ASB18: variants seen among roughly 807,000 people sequenced by gnomAD.
ASB18 encodes ankyrin repeat and SOCS box protein 18.
ASB18 carries 33 observed loss-of-function variants against 33.4 expected under a neutral mutation model. That is an observed-to-expected ratio of 0.99 (90% CI 0.75 to 1.32). The LOEUF (loss-of-function observed/expected upper bound fraction) is 1.32, where lower values mean the gene tolerates loss of function less well. ASB18 is among the 40% of genes most tolerant of loss of function. The pLI is 0.00. For missense variants in ASB18, 694 were observed against 655.5 expected, an observed-to-expected ratio of 1.06 and a Z score of -0.64; for synonymous variants, 295 against 307.6, an observed-to-expected ratio of 0.96 and a Z score of 0.43.
In ASB18 at chr2:236,222,694, G is replaced by A. The variant is rs1358794680; in HGVS notation, c.597-7828C>T. Among the ~76,000 whole-genome samples, 2 of 152,148 alleles carry A rather than the reference G, an allele frequency of 1.3e-5. No individual in the cohort carries two copies. Among genetic ancestry groups the A allele is most frequent in the South Asian group, 2.1e-4 (1 of 4,822 alleles). ...ACCATCCCCTTGGTGCTTTCCTCAC[G>A]ATAGCGAGTTCATGGGTGATCTGGC... On this transcript the variant is annotated intron_variant, in intron 3 of 5. Transcript: ENST00000409749. This position sits in a 1 kb window ranked among gnomAD's most constrained non-coding sequence, Gnocchi z 5.5.
rs1177765756 is a variant in ASB18 at position 236,200,413 on chromosome 2, A to G, written c.1102-4028T>C. Reference sequence around the variant, plus strand: ...AGAAGTGTTTATTGATACAGGAACTATTTAACCAGATGTGGGTACAAGGAA... The same window carrying G: ...AGAAGTGTTTATTGATACAGGAACTGTTTAACCAGATGTGGGTACAAGGAA... On this transcript the variant is annotated intron_variant, in intron 4 of 5. Transcript: ENST00000409749. This position sits in a 1 kb window ranked among gnomAD's most constrained non-coding sequence, Gnocchi z 4.2. Among the ~76,000 whole-genome samples the G allele has an allele frequency of 1.3e-5, 2 of 152,224 alleles. No homozygotes were observed. The highest frequency in any genetic ancestry group is 4.8e-5 in the African/African-American group (2 of 41,472).
At chr2:236,258,803 A>G (rs1200774276) in intron 1 of ASB18, among the ~76,000 whole-genome samples, 2 of 152,196 alleles carry the variant, frequency 1.3e-5, no homozygotes, top group Non-Finnish European at 2.9e-5. Flanking sequence ...TAAAAACTCA[A>G]TTAGTATTTC....
chr2:236,195,105 C>T lies in ASB18; in HGVS notation c.1216-48G>A, dbSNP rs2060365334. ...TAGAAATCTGGGCACGTGGAACCAA[C>T]ATACGTTTTCTTCTTAGCCAGACCA... On this transcript the variant is annotated intron_variant, in intron 5 of 5. Transcript: ENST00000409749. This position sits in a 1 kb window ranked among gnomAD's most constrained non-coding sequence, Gnocchi z 5.5. 1.9e-6 allele frequency: 3 copies of T among 1,545,384 alleles called. No homozygotes were observed. Among genetic ancestry groups the T allele is most frequent in the Non-Finnish European group, 2.6e-6 (3 of 1,134,830 alleles).
rs1189102826 is a variant in ASB18 at position 236,221,884 on chromosome 2, G to A, written c.597-7018C>T. On this transcript the variant is annotated intron_variant, in intron 3 of 5. Transcript: ENST00000409749. The surrounding 1 kb of genome is among the most constrained non-coding windows in gnomAD (Gnocchi z 5.6). ...GTTACTGCTGCTTTTCCTCCTCAGA[G>A]ATGACACGGAGGCAGATGGGCTAGA... Among the ~76,000 whole-genome samples the A allele has an allele frequency of 6.6e-6, 1 of 152,182 alleles. No homozygotes were observed. The highest frequency in any genetic ancestry group is 2.4e-5 in the African/African-American group (1 of 41,444).
rs1286832472 is a variant in ASB18, at chr2:236,215,213, C to T, written c.597-347G>A. On this transcript the variant is annotated intron_variant, in intron 3 of 5. Coordinates refer to ENST00000409749, the MANE Select transcript of ASB18 (RefSeq NM_212556.4). This position sits in a 1 kb window ranked among gnomAD's most constrained non-coding sequence, Gnocchi z 7.2. ...CACTGGTTACCTGAGCTCTTTGTCA[C>T]ACCTGGAGGTTAAGGGTTTGGCAGT... Among the ~76,000 whole-genome samples the T allele has an allele frequency of 6.6e-6, 1 of 152,116 alleles. No homozygotes were observed. Among genetic ancestry groups the T allele is most frequent in the East Asian group, 1.9e-4 (1 of 5,168 alleles).
chr2:236,210,102 G>T (rs1043977172), intron 4 of ASB18, among the ~76,000 whole-genome samples: 3 of 152,238 alleles, frequency 2.0e-5, no homozygotes, highest in African/African-American at 4.8e-5. Context: ...TCACCTTAGT[G>T]TGTGTACTTG....
Position 236,260,955 on chromosome 2 carries a change from G to A in ASB18, c.205+3186C>T, listed in dbSNP as rs141704232. Among the ~76,000 whole-genome samples, 244 of 152,244 alleles carry A rather than the reference G, an allele frequency of 1.6e-3. 1 individual carries two copies. Among genetic ancestry groups the A allele is most frequent in the Middle Eastern group, 3.4e-3 (1 of 294 alleles). The stretch of plus-strand genomic sequence containing the variant: ...AGCACTAATCTAATCTCATACCCTC[G>A]TTAATAAATGGAGACGTTGGTCTCG... On this transcript the variant is annotated intron_variant, in intron 1 of 5. Coordinates refer to ENST00000409749, the MANE Select transcript of ASB18 (RefSeq NM_212556.4). The surrounding 1 kb of genome is among the most constrained non-coding windows in gnomAD (Gnocchi z 5.1).
In ASB18 at chr2:236,226,220, G is replaced by T. The variant is rs775180393; in HGVS notation, c.597-11354C>A. ...TGTGTTATTGTAGAGGTGTTCAATG[G>T]GACCTGCCAGCATATTCCATTATCA... On this transcript the variant is annotated intron_variant, in intron 3 of 5. Transcript: ENST00000409749. The surrounding 1 kb of genome is among the most constrained non-coding windows in gnomAD (Gnocchi z 4.8). 1.3e-4 allele frequency among the ~76,000 whole-genome samples: 20 copies of T among 152,226 alleles called. No individual in the cohort carries two copies. The highest frequency in any genetic ancestry group is 2.8e-4 in the Non-Finnish European group (19 of 68,006).
rs1350308802 is a variant in ASB18, at chr2:236,214,487, C to A, written c.976G>T (p.Gly326Trp). The change falls in exon 4 of 6, where the codon GGG becomes TGG. Residue 326 changes from glycine to tryptophan, a missense_variant. Gly to Trp is a radical substitution (Grantham distance 184). Coordinates refer to ENST00000409749, the MANE Select transcript of ASB18 (RefSeq NM_212556.4). The surrounding 1 kb of genome is among the most constrained non-coding windows in gnomAD (Gnocchi z 6.5). The part of the protein sequence containing the change: ...GADAGALDYG[G>W]ASPLGRVLQT... ...AGCACGCGGCCCAGCGGCGAGGCCC[C>A]GCCATAGTCGAGCGCGCCCGCGTCG... is the stretch of plus-strand genomic sequence containing the variant. 1.7e-5 allele frequency: 25 copies of A among 1,508,610 alleles called. No homozygotes were observed. The highest frequency in any genetic ancestry group is 2.1e-5 in the Non-Finnish European group (24 of 1,136,764). 93.5% of individuals were successfully genotyped at this position (1,508,610 alleles called of 1,614,324 possible). A position where few individuals can be genotyped will look rare whatever the true frequency, so the allele number is the denominator to read the frequency against.
At chr2:236,201,532 G>A (rs2060402435) in intron 4 of ASB18, among the ~76,000 whole-genome samples, 1 of 151,852 alleles carries the variant, frequency 6.6e-6, no homozygotes, top group South Asian at 2.1e-4. Context: ...ATTTTCAAAT[G>A]GTTATTTTTT....
rs2106281948 is a variant in ASB18, at chr2:236,244,793, G to A, written c.206-3391C>T. On this transcript the variant is annotated intron_variant, in intron 1 of 5. Coordinates refer to ENST00000409749, the MANE Select transcript of ASB18 (RefSeq NM_212556.4). This position sits in a 1 kb window ranked among gnomAD's most constrained non-coding sequence, Gnocchi z 6.1. ...TTTCCTTACAAGAGATTGCAGCAAA[G>A]GGTGGAGTAGAAATCGAACACATTT... is the stretch of plus-strand genomic sequence containing the variant. 6.6e-6 allele frequency among the ~76,000 whole-genome samples: 1 copy of A among 152,324 alleles called. No homozygotes were observed. Among genetic ancestry groups the A allele is most frequent in the Non-Finnish European group, 1.5e-5 (1 of 68,034 alleles).
Position 236,255,472 on chromosome 2 carries a change from G to C in ASB18, c.205+8669C>G, listed in dbSNP as rs1425257676. On this transcript the variant is annotated intron_variant, in intron 1 of 5. Transcript: ENST00000409749. The surrounding 1 kb of genome is among the most constrained non-coding windows in gnomAD (Gnocchi z 4.4). ...TATTTCTTTATCACAATGCGAGAAC[G>C]GACTAACACAGTGGGGAGATGTATT... 6.6e-6 allele frequency among the ~76,000 whole-genome samples: 1 copy of C among 152,094 alleles called. No individual in the cohort carries two copies. The highest frequency in any genetic ancestry group is 2.4e-5 in the African/African-American group (1 of 41,400).
At position 236,214,281 on chromosome 2, in the gene ASB18, C is replaced by G. The variant is rs980283104; in HGVS notation, c.1101+81G>C. On this transcript the variant is annotated intron_variant, in intron 4 of 5. Transcript: ENST00000409749. The surrounding 1 kb of genome is among the most constrained non-coding windows in gnomAD (Gnocchi z 6.5). ...CTGGGCCATTACACTTTGAGAGCGC[C>G]GCATGCAACCCAGCTCCCAGGCCGG... 56 of 1,422,400 alleles carry G rather than the reference C, an allele frequency of 3.9e-5. No individual in the cohort carries two copies. The highest frequency in any genetic ancestry group is 1.3e-5 in the South Asian group (1 of 75,990). The allele number at this position is 1,422,400 out of a possible 1,614,324, so 88.1% of individuals were successfully genotyped here. A position where few individuals can be genotyped will look rare whatever the true frequency, so the allele number is the denominator to read the frequency against.
Position 236,226,902 on chromosome 2 carries a change from G to A in ASB18, c.596+10787C>T, listed in dbSNP as rs1277366087. On this transcript the variant is annotated intron_variant, in intron 3 of 5. Transcript: ENST00000409749. This position sits in a 1 kb window ranked among gnomAD's most constrained non-coding sequence, Gnocchi z 4.8. ...GATAGCATAGAGAGTTTCTGAATAC[G>A]CTTCACCCAGCTTCCCCTAAAGTTA... is the stretch of plus-strand genomic sequence containing the variant. 3.3e-5 allele frequency among the ~76,000 whole-genome samples: 5 copies of A among 152,042 alleles called. No individual in the cohort carries two copies. Among genetic ancestry groups the A allele is most frequent in the Non-Finnish European group, 5.9e-5 (4 of 68,020 alleles).
rs1156719224 is a variant in ASB18 at position 236,223,325 on chromosome 2, GCATAA to G, written c.597-8464_597-8460del. The stretch of plus-strand genomic sequence containing the variant: ...TGGTGTGCCTTCCTCAGTAAGGCAT[GCATAA>G]CATTTCTTTCTCTTTCTCTCATCCC... On this transcript the variant is annotated intron_variant, in intron 3 of 5. Transcript: ENST00000409749. The surrounding 1 kb of genome is among the most constrained non-coding windows in gnomAD (Gnocchi z 4.6). Among the ~76,000 whole-genome samples the G allele has an allele frequency of 1.3e-5, 2 of 152,194 alleles. No homozygotes were observed. Among genetic ancestry groups the G allele is most frequent in the Non-Finnish European group, 2.9e-5 (2 of 68,048 alleles).
At position 236,253,090 on chromosome 2, in the gene ASB18, TGTTGATCCTAGGAA is replaced by T. The variant is rs1388873525; in HGVS notation, c.205+11037_205+11050del. Among the ~76,000 whole-genome samples, 3 of 152,130 alleles carry T rather than the reference TGTTGATCCTAGGAA, an allele frequency of 2.0e-5. No homozygotes were observed. Among genetic ancestry groups the T allele is most frequent in the Non-Finnish European group, 4.4e-5 (3 of 67,986 alleles). On this transcript the variant is annotated intron_variant, in intron 1 of 5. Coordinates refer to ENST00000409749, the MANE Select transcript of ASB18 (RefSeq NM_212556.4). This position sits in a 1 kb window ranked among gnomAD's most constrained non-coding sequence, Gnocchi z 5.4. ...GTCCTCGCCAGCCTGGCTTTCTAGA[TGTTGATCCTAGGAA>T]GTTTCCTGCCAAACTCCAGTCAGCA...
At position 236,259,815 on chromosome 2, in the gene ASB18, T is replaced by A. The variant is rs528824335; in HGVS notation, c.205+4326A>T. ...GCCATTCTCCTGCCTAATGCCTGCC[T>A]CAGCAGGGTATGTTCTGTGCTTTCC... is the stretch of plus-strand genomic sequence containing the variant. On this transcript the variant is annotated intron_variant, in intron 1 of 5. Coordinates refer to ENST00000409749, the MANE Select transcript of ASB18 (RefSeq NM_212556.4). This position sits in a 1 kb window ranked among gnomAD's most constrained non-coding sequence, Gnocchi z 4.4. 6.6e-6 allele frequency among the ~76,000 whole-genome samples: 1 copy of A among 152,354 alleles called. No homozygotes were observed. Among genetic ancestry groups the A allele is most frequent in the Admixed American group, 6.5e-5 (1 of 15,304 alleles).
chr2:236,218,673 A>C (rs1445738030), intron 3 of ASB18, among the ~76,000 whole-genome samples: 4 of 151,558 alleles, frequency 2.6e-5, no homozygotes, highest in African/African-American at 9.7e-5. Context: ...TGGTGGGTGC[A>C]TGTAGTCTCA....
rs1360210597 is a variant in ASB18, at chr2:236,257,990, C to T, written c.205+6151G>A. On this transcript the variant is annotated intron_variant, in intron 1 of 5. Coordinates refer to ENST00000409749, the MANE Select transcript of ASB18 (RefSeq NM_212556.4). This position sits in a 1 kb window ranked among gnomAD's most constrained non-coding sequence, Gnocchi z 5.5. ...GGCATTGCCAATTCCTCCTTCTTTG[C>T]CTCCGTGTAGGACCAGTTTCAGTTT... Among the ~76,000 whole-genome samples, 2 of 152,236 alleles carry T rather than the reference C, an allele frequency of 1.3e-5. No individual in the cohort carries two copies. Among genetic ancestry groups the T allele is most frequent in the Non-Finnish European group, 2.9e-5 (2 of 68,046 alleles).
Sources: gnomAD v4.1 joint callset for allele counts (sites outside exome capture counted in the v4.1 genomes callset) on GRCh38, gnomAD v4.1.1 for gene constraint, Gnocchi (gnomAD v3.1) non-coding constraint, MANE v1.5 for transcripts, NCBI Gene and HGNC (gene_info 2026-07-23, HGNC 2026-07-21) for gene names.